DMD: variants seen among roughly 807,000 people sequenced by gnomAD.
DMD encodes the protein dystrophin, also known as mutant dystrophin.
A neutral mutation model predicts 330.1 loss-of-function variants in DMD; 63 were observed. The observed-to-expected ratio is 0.19, with a 90% confidence interval of 0.16 to 0.24. The LOEUF (loss-of-function observed/expected upper bound fraction) is 0.24, where lower values mean the gene tolerates loss of function less well. Ranked by LOEUF, DMD falls within the 10% of genes least tolerant of loss-of-function variation. DMD has a pLI of 1.00. For synonymous variants in DMD, 1,223 were observed against 959.8 expected (o/e 1.27, Z -5.07); for missense variants, 3,344 against 2,684.1 (o/e 1.25, Z -5.43).
chrX:32,803,211 C>T (rs1016975211), intron 7 of DMD, among the ~76,000 whole-genome samples: 6 of 111,380 alleles, frequency 5.4e-5, no homozygotes, highest in African/African-American at 1.6e-4. Context: ...TGTATATGTA[C>T]AGGAATTTTT....
At chrX:31,850,370 T>A (rs1333508461) in intron 48 of DMD, among the ~76,000 whole-genome samples, 1 of 112,202 alleles carries the variant, frequency 8.9e-6, no homozygotes, top group Non-Finnish European at 1.9e-5. Flanking sequence ...TCCTAAGACA[T>A]TTGTGGATAC....
intron 47 of DMD, among the ~76,000 whole-genome samples, chrX:31,896,162 A>C (rs1217039649): frequency 8.9e-6 from 1 of 112,130 alleles, no homozygotes; most frequent in Non-Finnish European, 1.9e-5. Context: ...TTTACAGTTC[A>C]TATGTGAAAG....
chrX:33,102,323 T>G (rs1352110150), intron 1 of DMD, among the ~76,000 whole-genome samples: 6 of 109,851 alleles, frequency 5.5e-5, no homozygotes, highest in Admixed American at 2.0e-4. Context: ...TTTGTTTTTT[T>G]TTTTTTTTAA....
intron 55 of DMD, among the ~76,000 whole-genome samples, chrX:31,530,661 T>C (rs2073693110): frequency 1.0e-5 from 1 of 95,954 alleles, no homozygotes; most frequent in Admixed American, 1.2e-4. Flanking sequence ...TTTTTTTTTT[T>C]TTTTTTTTAA....
chrX:33,002,850 GAAAAAAAAAA>G (rs145168802), intron 2 of DMD, among the ~76,000 whole-genome samples: 138 of 38,756 alleles, frequency 3.6e-3, no homozygotes, highest in Middle Eastern at 0.048. Context: ...TTTTTTTCTC[GAAAAAAAAAA>G]AAAAAAAAAA....
intron 2 of DMD, among the ~76,000 whole-genome samples, chrX:32,890,664 T>G (rs1363871100): frequency 9.0e-6 from 1 of 111,334 alleles, no homozygotes; most frequent in African/African-American, 3.3e-5. Flanking sequence ...CATCCCAGAT[T>G]GTCTAAAAAA....
chrX:33,177,470 C>T (rs2049731013), intron 1 of DMD, among the ~76,000 whole-genome samples: 1 of 111,542 alleles, frequency 9.0e-6, no homozygotes, highest in Admixed American at 9.5e-5. Context: ...CTGCAACTGC[C>T]GCCTCCCTGG....
At chrX:32,296,471 C>G (rs2097496922) in intron 42 of DMD, among the ~76,000 whole-genome samples, 1 of 111,662 alleles carries the variant, frequency 9.0e-6, no homozygotes, top group Non-Finnish European at 1.9e-5. Context: ...ATTTCTTCAT[C>G]TTCAACATCC....
chrX:32,375,621 A>AGT (rs2097899228), intron 34 of DMD, among the ~76,000 whole-genome samples: 1 of 112,226 alleles, frequency 8.9e-6, no homozygotes, highest in African/African-American at 3.2e-5. Flanking sequence ...GTATCATTTA[A>AGT]GTGTCCTGTT....
At chrX:32,627,631 C>T (rs1472330976) in intron 11 of DMD, among the ~76,000 whole-genome samples, 1 of 110,529 alleles carries the variant, frequency 9.0e-6, no homozygotes, top group South Asian at 3.8e-4. Flanking sequence ...GGCTCCGGGG[C>T]CTGCTTCACA....
chrX:32,562,163 C>T (rs1029633274), intron 16 of DMD, among the ~76,000 whole-genome samples: 5 of 111,668 alleles, frequency 4.5e-5, no homozygotes, highest in Non-Finnish European at 9.4e-5. Flanking sequence ...TATATTTGCC[C>T]TCTTTTCTCA....
chrX:32,848,674 A>G (rs1275344926), intron 3 of DMD, among the ~76,000 whole-genome samples: 6 of 111,350 alleles, frequency 5.4e-5, no homozygotes. Flanking sequence ...TCAGTCATAC[A>G]TACACTAAAA....
Position 32,479,059 on chromosome X carries a change from G to A in DMD, c.2803+5860C>T, listed in dbSNP as rs748142342. ...CAGAAATATTTATTAGAATTTAAGA[G>A]TTTTTTTCTTTTGCTGAATTTTCCC... On this transcript the variant is annotated intron_variant, in intron 21 of 78. Transcript: ENST00000357033. Among the ~76,000 whole-genome samples the A allele has an allele frequency of 1.9e-4, 21 of 111,143 alleles. No homozygotes were observed. In the South Asian group the frequency reaches 2.2e-3, roughly 12 times the overall value.
chrX:32,100,648 T>C (rs1427476610), intron 44 of DMD, among the ~76,000 whole-genome samples: 2 of 111,102 alleles, frequency 1.8e-5, no homozygotes, highest in Non-Finnish European at 3.8e-5. Context: ...ACCTTTTCTT[T>C]GGAGGGTTTT....
chrX:32,912,081 AGAG>A (rs914860842), intron 2 of DMD, among the ~76,000 whole-genome samples: 4 of 106,553 alleles, frequency 3.8e-5, no homozygotes, highest in Non-Finnish European at 5.8e-5. Context: ...GGGAGGAGGA[AGAG>A]GAGAAGGAAT....
chrX:31,497,417 G>A (rs990037759), intron 56 of DMD, among the ~76,000 whole-genome samples: 1 of 111,389 alleles, frequency 9.0e-6, no homozygotes, highest in African/African-American at 3.3e-5. Flanking sequence ...TCCATCTGGC[G>A]TCTGTTCCTT....
chrX:32,904,105 T>A (rs1418103038), intron 2 of DMD, among the ~76,000 whole-genome samples: 1 of 112,347 alleles, frequency 8.9e-6, no homozygotes, highest in Non-Finnish European at 1.9e-5. Context: ...ACAGTCATTA[T>A]GAAAATCTAG....
chrX:31,994,741 G>A (rs916041365), intron 44 of DMD, among the ~76,000 whole-genome samples: 2 of 111,853 alleles, frequency 1.8e-5, no homozygotes, highest in Non-Finnish European at 3.8e-5. Flanking sequence ...TTTATTCCAA[G>A]TTATACAGGA....
intron 11 of DMD, among the ~76,000 whole-genome samples, chrX:32,636,661 T>C (rs1394076991): frequency 1.8e-5 from 2 of 111,476 alleles, no homozygotes; most frequent in Admixed American, 9.5e-5. Context: ...ATAAATTCAG[T>C]TTAGTAACAA....
Sources: gnomAD v4.1 joint callset for allele counts (sites outside exome capture counted in the v4.1 genomes callset) on GRCh38, gnomAD v4.1.1 for gene constraint, MANE v1.5 for transcripts, NCBI Gene and HGNC (gene_info 2026-07-23, HGNC 2026-07-21) for gene names.